Variants in CPAMD8 observed in about 807,000 individuals in gnomAD.
The protein encoded by CPAMD8 is C3 and PZP-like alpha-2-macroglobulin domain-containing protein 8.
A neutral mutation model predicts 224.7 loss-of-function variants in CPAMD8; 146 were observed. That is an observed-to-expected ratio of 0.65 (90% CI 0.57 to 0.75). The LOEUF (loss-of-function observed/expected upper bound fraction) is 0.75, where lower values mean the gene tolerates loss of function less well. Ranked by LOEUF, CPAMD8 falls within the 30% of genes least tolerant of loss-of-function variation. The probability of loss-of-function intolerance (pLI) is 0.00; values close to 1 mark genes in which losing one functional copy is unlikely to be tolerated. For synonymous variants in CPAMD8, 966 were observed against 1,044.6 expected, an observed-to-expected ratio of 0.92 and a Z score of 1.45; for missense variants, 2,301 against 2,537.5, an observed-to-expected ratio of 0.91 and a Z score of 2.00.
At position 16,924,837 on chromosome 19, in the gene CPAMD8, G is replaced by A. The variant is rs147419629; in HGVS notation, c.3547+359C>T. On this transcript the variant is annotated intron_variant, in intron 26 of 41. Coordinates refer to ENST00000443236, the MANE Select transcript of CPAMD8 (RefSeq NM_015692.5). ...TGGGCTCAAGTAATCCTCCTGCCTC[G>A]GCCTCCCAAAGTGTTGGGATTACAG... Among the ~76,000 whole-genome samples the A allele has an allele frequency of 2.0e-3, 311 of 152,118 alleles. 2 individuals carry two copies. Among genetic ancestry groups the A allele is most frequent in the African/African-American group, 2.4e-3 (101 of 41,498 alleles).
At chr19:16,943,040 C>T (rs1345193076) in intron 22 of CPAMD8, among the ~76,000 whole-genome samples, 1 of 139,382 alleles carries the variant, frequency 7.2e-6, no homozygotes, top group Non-Finnish European at 1.5e-5. Context: ...CAGGGTCTGG[C>T]TCTCTCACCC....
chr19:16,932,770 C>T (rs1045914111), intron 23 of CPAMD8, among the ~76,000 whole-genome samples: 2 of 152,016 alleles, frequency 1.3e-5, no homozygotes, highest in African/African-American at 4.8e-5. Flanking sequence ...GGGTAGAAAA[C>T]CTATTTAACA....
rs745565767 is a variant in CPAMD8 at position 16,921,892 on chromosome 19, G to A, written c.3629+13C>T. 2.0e-5 allele frequency: 30 copies of A among 1,528,772 alleles called. No individual in the cohort carries two copies. The highest frequency in any genetic ancestry group is 1.1e-4 in the African/African-American group (8 of 72,784). 94.7% of individuals were successfully genotyped at this position (1,528,772 alleles called of 1,614,324 possible). ...GAGCCTCAGAGGCAATGCCCAGGGCGGTGGGGACTCACCACATGCTCCCCG... is the reference window on the plus strand; with the variant it reads ...GAGCCTCAGAGGCAATGCCCAGGGCAGTGGGGACTCACCACATGCTCCCCG... On this transcript the variant is annotated intron_variant, in intron 27 of 41. Transcript: ENST00000443236.
intron 30 of CPAMD8, among the ~76,000 whole-genome samples, chr19:16,905,514 T>C (rs1444861343): frequency 3.6e-5 from 4 of 111,648 alleles, no homozygotes; most frequent in Admixed American, 1.4e-4. Context: ...CACTCCAGCC[T>C]GGGCAACAAG....
At chr19:16,904,884 G>A (rs910225512) in intron 30 of CPAMD8, among the ~76,000 whole-genome samples, 1 of 152,190 alleles carries the variant, frequency 6.6e-6, no homozygotes, top group African/African-American at 2.4e-5. Context: ...TCCTGACCAG[G>A]TACTGATCCA....
At chr19:16,955,184 AT>A (rs201842092) in intron 19 of CPAMD8, among the ~76,000 whole-genome samples, 1,657 of 152,140 alleles carry the variant, frequency 0.011, 22 homozygotes, top group African/African-American at 0.038. Flanking sequence ...AGTCCCAGCT[AT>A]TTGGAAGGTT....
chr19:16,896,175 C>A lies in CPAMD8; in HGVS notation c.5426+1G>T, dbSNP rs905671891. The A allele has an allele frequency of 6.2e-7, 1 of 1,613,584 alleles. No homozygotes were observed. Among genetic ancestry groups the A allele is most frequent in the Non-Finnish European group, 8.5e-7 (1 of 1,179,940 alleles). ...ATCTCTGGGGTGGGCCCAGCTGTTA[C>A]CTGTCCTCCGCCTCCCCTTCAGGCT... On this transcript the variant is annotated splice_donor_variant, in intron 41 of 41. Transcript: ENST00000443236. LOFTEE classifies it high-confidence loss of function.
rs529509429 is a variant in CPAMD8 at position 16,974,874 on chromosome 19, C to A, written c.2070+223G>T. Among the ~76,000 whole-genome samples the A allele has an allele frequency of 2.6e-5, 4 of 152,216 alleles. No homozygotes were observed. In the South Asian group the frequency reaches 8.3e-4, roughly 32 times the overall value. On this transcript the variant is annotated intron_variant, in intron 17 of 41. Coordinates refer to ENST00000443236, the MANE Select transcript of CPAMD8 (RefSeq NM_015692.5). ...CCTGTAGTGCCAGCTACTTGGGAGA[C>A]TGAGGTGGGAGGATCACTTGAGCAC...
chr19:16,943,003 T>C (rs943279101), intron 22 of CPAMD8, among the ~76,000 whole-genome samples: 2 of 140,794 alleles, frequency 1.4e-5, no homozygotes, highest in Non-Finnish European at 3.0e-5. Context: ...TTTTCTTTTT[T>C]CTTTTTTCTT....
intron 26 of CPAMD8, among the ~76,000 whole-genome samples, chr19:16,923,112 C>T (rs559652753): frequency 3.9e-5 from 6 of 152,272 alleles, no homozygotes; most frequent in East Asian, 1.9e-4. Context: ...GGACAGGGAA[C>T]GGAGCAGGGA....
chr19:16,926,597 T>C (rs1440774741), intron 25 of CPAMD8, among the ~76,000 whole-genome samples: 1 of 152,234 alleles, frequency 6.6e-6, no homozygotes, highest in Non-Finnish European at 1.5e-5. Context: ...ATTACAGGCG[T>C]GAGCCACCAC....
intron 5 of CPAMD8, among the ~76,000 whole-genome samples, chr19:17,010,578 A>G (rs1224352851): frequency 6.6e-6 from 1 of 152,124 alleles, no homozygotes; most frequent in Non-Finnish European, 1.5e-5. Flanking sequence ...TGAGTTGTAT[A>G]AGAGAACGTC....
chr19:17,021,170 C>G (rs1306863652), intron 2 of CPAMD8, among the ~76,000 whole-genome samples: 1 of 152,178 alleles, frequency 6.6e-6, no homozygotes, highest in African/African-American at 2.4e-5. Flanking sequence ...TTCCCCTGAT[C>G]TTAAGGAGAG....
At chr19:16,977,346 G>A (rs1291294148) in intron 15 of CPAMD8, 22 bp downstream of exon 15, 1 of 1,583,232 alleles carries the variant, frequency 6.3e-7, no homozygotes, top group African/African-American at 1.3e-5. Flanking sequence ...CTGTGTCCCA[G>A]GTTCAGTGCA....
Position 17,011,765 on chromosome 19 carries a change from C to A in CPAMD8, c.268-8G>T, listed in dbSNP as rs2056661083. Reference sequence around the variant, plus strand: ...CCGGAGGCCCGTGGGCACCTGCAGGCAGAGGAAGGAGCTTTGGGACAAGAA... The same window carrying A: ...CCGGAGGCCCGTGGGCACCTGCAGGAAGAGGAAGGAGCTTTGGGACAAGAA... On this transcript the variant is annotated splice_region_variant and splice_polypyrimidine_tract_variant and intron_variant, in intron 3 of 41. Transcript: ENST00000443236. 1.9e-6 allele frequency: 3 copies of A among 1,611,272 alleles called. No individual in the cohort carries two copies. The African/African-American group carries it at 4.0e-5, about 22-fold the overall frequency.
chr19:16,997,246 G>A lies in CPAMD8; in HGVS notation c.960C>T (p.Ala320=). 6.5e-7 allele frequency: 1 copy of A among 1,547,304 alleles called. No individual in the cohort carries two copies. Among genetic ancestry groups the A allele is most frequent in the Non-Finnish European group, 8.9e-7 (1 of 1,120,634 alleles). The change falls in exon 11 of 42, where the codon GCC becomes GCT. Residue 320 remains alanine, a synonymous_variant. Coordinates refer to ENST00000443236, the MANE Select transcript of CPAMD8 (RefSeq NM_015692.5). ...EHFRGRVSIW[A]MVTSVDGSQQ... is the part of the protein sequence containing the mutation. ...GGCTCCCGTCCACACTGGTCACCAT[G>A]GCCCAGATGCTGACCCTGCCCCGGA...
chr19:16,933,376 T>G (rs1003774429), intron 23 of CPAMD8, among the ~76,000 whole-genome samples: 13 of 152,076 alleles, frequency 8.5e-5, no homozygotes, highest in African/African-American at 2.9e-4. Context: ...AAGATATAAT[T>G]AAGAGAATGA....
intron 9 of CPAMD8, among the ~76,000 whole-genome samples, chr19:17,002,064 C>A (rs3745342): frequency 6.8e-6 from 1 of 147,568 alleles, no homozygotes. Context: ...GAGGAGGGGG[C>A]GCCTACTGGA....
At chr19:17,021,996 G>A (rs776768236) in intron 2 of CPAMD8, 34 bp downstream of exon 2, 50 of 1,536,108 alleles carry the variant, frequency 3.3e-5, no homozygotes, top group Non-Finnish European at 4.2e-5. Flanking sequence ...TGCAAAAGAA[G>A]GGGAAGTCCT....
Sources: allele counts gnomAD v4.1 joint callset (sites outside exome capture counted in the v4.1 genomes callset), GRCh38; gene constraint gnomAD v4.1.1; transcripts MANE v1.5; gene names NCBI Gene and HGNC (gene_info 2026-07-23, HGNC 2026-07-21).